Variants in DENND1B observed in about 807,000 individuals in gnomAD.
The protein encoded by DENND1B is DENN domain-containing protein 1B.
In DENND1B, 59 loss-of-function variants were observed where a neutral mutation model predicts 90.1. That is an observed-to-expected ratio of 0.65 (90% confidence interval 0.53 to 0.81). The LOEUF (loss-of-function observed/expected upper bound fraction) is 0.81. Among genes scored for constraint, DENND1B ranks in the 40% least tolerant of loss-of-function variants. The pLI is 0.00. For synonymous variants in DENND1B, 337 were observed against 324.6 expected, an observed-to-expected ratio of 1.04 and a Z score of -0.41; for missense variants, 862 against 912.6, an observed-to-expected ratio of 0.94 and a Z score of 0.71.
chr1:197,515,035 G>A, intron 20 of DENND1B, among the ~76,000 whole-genome samples: 1 of 151,600 alleles, frequency 6.6e-6, no homozygotes, highest in East Asian at 2.0e-4. Context: ...ACACCAGAGA[G>A]GAATAACTTT....
chr1:197,695,017 CTA>C (rs916665511), intron 3 of DENND1B, among the ~76,000 whole-genome samples: 2 of 151,120 alleles, frequency 1.3e-5, no homozygotes, highest in South Asian at 2.1e-4. Flanking sequence ...TAAAATATCA[CTA>C]TGTTTTTCCA....
At chr1:197,544,717 G>C (rs12122634) in intron 18 of DENND1B, among the ~76,000 whole-genome samples, 1 of 123,582 alleles carries the variant, frequency 8.1e-6, no homozygotes, top group Non-Finnish European at 1.9e-5. Flanking sequence ...AAGAGGAAGA[G>C]GAAGAAGAGG....
At chr1:197,541,042 G>T (rs1349894667) in intron 18 of DENND1B, 27 bp from the exon 19 acceptor site, 3 of 1,605,886 alleles carry the variant, frequency 1.9e-6, no homozygotes, top group Non-Finnish European at 2.6e-6. Flanking sequence ...AATGTGCCTG[G>T]CTCAGGATGG....
At chr1:197,585,307 A>G (rs990612130) in intron 14 of DENND1B, among the ~76,000 whole-genome samples, 14 of 152,238 alleles carry the variant, frequency 9.2e-5, no homozygotes, top group African/African-American at 1.4e-4. Flanking sequence ...AAAAATAAAT[A>G]TAAGTAATTG....
chr1:197,674,974 T>G (rs1164547157), intron 3 of DENND1B, among the ~76,000 whole-genome samples: 2 of 152,108 alleles, frequency 1.3e-5, no homozygotes, highest in African/African-American at 4.8e-5. Context: ...AAAATACAAA[T>G]AATTATCAGC....
intron 2 of DENND1B, among the ~76,000 whole-genome samples, chr1:197,744,752 T>C (rs1663546388): frequency 1.3e-5 from 2 of 152,222 alleles, no homozygotes; most frequent in South Asian, 4.1e-4. Flanking sequence ...AGGCAGTAAC[T>C]GACTTCTTTC....
At chr1:197,768,647 G>A (rs1197156534) in intron 2 of DENND1B, among the ~76,000 whole-genome samples, 1 of 151,924 alleles carries the variant, frequency 6.6e-6, no homozygotes, top group Non-Finnish European at 1.5e-5. Context: ...TGGAGCAGAA[G>A]TTACTGGGAG....
intron 3 of DENND1B, among the ~76,000 whole-genome samples, chr1:197,685,987 C>T (rs531399725): frequency 1.5e-3 from 234 of 152,044 alleles, no homozygotes; most frequent in African/African-American, 5.0e-3. Flanking sequence ...ATGCTTTCTA[C>T]GATAAACTGA....
upstream of DENND1B, among the ~76,000 whole-genome samples, chr1:197,777,095 C>G (rs937244024): frequency 2.7e-5 from 4 of 150,520 alleles, no homozygotes; most frequent in African/African-American, 9.7e-5. Flanking sequence ...TACTCCAAAG[C>G]CTTGAAAAAA....
chr1:197,512,956 G>A lies in DENND1B; in HGVS notation c.1516-3C>T. The A allele has an allele frequency of 1.9e-6, 3 of 1,604,166 alleles. No homozygotes were observed. The highest frequency in any genetic ancestry group is 2.2e-5 in the East Asian group (1 of 44,584). Reference sequence around the variant, plus strand: ...TTAAGAGGCCTTTTTAAGCGTGCCTGGAGAGAGAGATTGACAATAAATTGG... The same window carrying A: ...TTAAGAGGCCTTTTTAAGCGTGCCTAGAGAGAGAGATTGACAATAAATTGG... On this transcript the variant is annotated splice_region_variant and splice_polypyrimidine_tract_variant and intron_variant, in intron 20 of 22. Coordinates refer to ENST00000620048, the MANE Select transcript of DENND1B (RefSeq NM_001195215.2).
At chr1:197,597,790 T>C (rs1222613805) in intron 13 of DENND1B, among the ~76,000 whole-genome samples, 2 of 151,852 alleles carry the variant, frequency 1.3e-5, no homozygotes, top group Admixed American at 1.3e-4. Flanking sequence ...AATGTACCTG[T>C]TCTAGAACTA....
At chr1:197,740,568 G>A (rs1447316714) in intron 2 of DENND1B, among the ~76,000 whole-genome samples, 1 of 152,258 alleles carries the variant, frequency 6.6e-6, no homozygotes, top group East Asian at 1.9e-4. Flanking sequence ...TCAAAAGGAA[G>A]ATGAAATCCT....
chr1:197,698,179 C>T (rs1658641785), intron 3 of DENND1B, among the ~76,000 whole-genome samples: 1 of 152,048 alleles, frequency 6.6e-6, no homozygotes, highest in South Asian at 2.1e-4. Context: ...GTAAAACATT[C>T]CTCAGCAAAT....
intron 10 of DENND1B, among the ~76,000 whole-genome samples, chr1:197,633,702 C>A (rs1471913115): frequency 1.3e-5 from 2 of 152,078 alleles, no homozygotes; most frequent in Non-Finnish European, 2.9e-5. Flanking sequence ...AGCAGAGTAC[C>A]CCTGGCTCTT....
chr1:197,523,486 G>C (rs1668920523), intron 20 of DENND1B, among the ~76,000 whole-genome samples: 1 of 152,146 alleles, frequency 6.6e-6, no homozygotes, highest in Non-Finnish European at 1.5e-5. Flanking sequence ...GAACACATAA[G>C]GCTAGGATCA....
At chr1:197,624,636 C>T (rs944576038) in intron 10 of DENND1B, among the ~76,000 whole-genome samples, 5 of 151,868 alleles carry the variant, frequency 3.3e-5, no homozygotes, top group African/African-American at 7.2e-5. Context: ...GAACACAGTT[C>T]CTCACCAGCA....
chr1:197,625,934 C>A (rs909156002), intron 10 of DENND1B, among the ~76,000 whole-genome samples: 17 of 152,158 alleles, frequency 1.1e-4, no homozygotes, highest in Non-Finnish European at 1.2e-4. Context: ...AGGGCCATTA[C>A]ATAATGGCAA....
chr1:197,732,265 T>G (rs1458694800), intron 2 of DENND1B, among the ~76,000 whole-genome samples: 1 of 152,196 alleles, frequency 6.6e-6, no homozygotes, highest in Non-Finnish European at 1.5e-5. Context: ...TTAAGAGTGC[T>G]GCACAACAGC....
intron 3 of DENND1B, among the ~76,000 whole-genome samples, chr1:197,700,464 A>C (rs1215058811): frequency 6.6e-6 from 1 of 152,160 alleles, no homozygotes; most frequent in African/African-American, 2.4e-5. Context: ...AAATTAACTC[A>C]AGATGGATTA....
Sources: allele counts gnomAD v4.1 joint callset (sites outside exome capture counted in the v4.1 genomes callset), GRCh38; gene constraint gnomAD v4.1.1; transcripts MANE v1.5; gene names NCBI Gene and HGNC (gene_info 2026-07-23, HGNC 2026-07-21).